HLCS: variants seen among roughly 807,000 people sequenced by gnomAD.
HLCS encodes holocarboxylase synthetase.
A neutral mutation model predicts 75.0 loss-of-function variants in HLCS; 53 were observed. That is an observed-to-expected ratio of 0.71 (90% CI 0.57 to 0.89). The LOEUF is 0.89. Ranked by LOEUF, HLCS falls within the 40% of genes least tolerant of loss-of-function variation. The pLI is 0.00. For synonymous variants in HLCS, 431 were observed against 428.6 expected, an observed-to-expected ratio of 1.01 and a Z score of -0.07; for missense variants, 966 against 1,074.0, an observed-to-expected ratio of 0.90 and a Z score of 1.41.
At chr21:36,917,445 G>A (rs781756263) in intron 5 of HLCS, among the ~76,000 whole-genome samples, 7 of 152,090 alleles carry the variant, frequency 4.6e-5, no homozygotes, top group African/African-American at 1.4e-4. Flanking sequence ...CACTTTCCCC[G>A]AGTACAAACC....
At chr21:36,978,180 TATC>T (rs1273994409) in intron 1 of HLCS, among the ~76,000 whole-genome samples, 1 of 152,232 alleles carries the variant, frequency 6.6e-6, no homozygotes. Flanking sequence ...CTGCTGCTTT[TATC>T]ATCCCATTAA....
intron 6 of HLCS, among the ~76,000 whole-genome samples, chr21:36,880,367 T>C (rs2064157624): frequency 6.6e-6 from 1 of 152,130 alleles, no homozygotes; most frequent in Admixed American, 6.5e-5. Flanking sequence ...GAAGGCATTT[T>C]AATTGAGCTA....
At chr21:36,859,744 T>G (rs2063320736) in intron 6 of HLCS, among the ~76,000 whole-genome samples, 1 of 152,196 alleles carries the variant, frequency 6.6e-6, no homozygotes, top group Admixed American at 6.5e-5. Flanking sequence ...AAAATAAAAC[T>G]GTAGGATTTC....
chr21:36,775,919 C>A (rs2060344386), intron 6 of HLCS, among the ~76,000 whole-genome samples: 1 of 152,178 alleles, frequency 6.6e-6, no homozygotes, highest in Non-Finnish European at 1.5e-5. Context: ...GGAATTCACA[C>A]CAATTTTTTG....
At chr21:36,934,753 T>A (rs2066802653) in intron 4 of HLCS, among the ~76,000 whole-genome samples, 1 of 152,162 alleles carries the variant, frequency 6.6e-6, no homozygotes. Context: ...ATTACAAAGG[T>A]GAAGACTATG....
At chr21:36,896,740 C>T (rs1297900170) in intron 6 of HLCS, 120 bp downstream of exon 6, 1 of 1,098,590 alleles carries the variant, frequency 9.1e-7, no homozygotes, top group Non-Finnish European at 1.4e-6. Context: ...TTCCACCTTG[C>T]TAATAGGTCT....
intron 1 of HLCS, chr21:36,974,368 C>T (rs1327266444): frequency 6.6e-6 from 1 of 152,292 alleles, no homozygotes; most frequent in East Asian, 1.9e-4. Flanking sequence ...CGGCAGGAGG[C>T]AAGGGTGTGT....
intron 9 of HLCS, 49 bp downstream of exon 9, chr21:36,759,678 A>G (rs374957099): frequency 5.2e-5 from 56 of 1,069,072 alleles, no homozygotes; most frequent in Non-Finnish European, 7.8e-5. Flanking sequence ...CTTTATTTTT[A>G]TTGTTTTATT....
intron 6 of HLCS, among the ~76,000 whole-genome samples, chr21:36,875,062 G>A (rs1014227770): frequency 1.3e-5 from 2 of 152,156 alleles, no homozygotes; most frequent in Non-Finnish European, 2.9e-5. Flanking sequence ...GCCCCCTCTA[G>A]ACTTTGGTCA....
intron 5 of HLCS, among the ~76,000 whole-genome samples, chr21:36,916,507 A>G (rs1326646263): frequency 6.9e-6 from 1 of 144,114 alleles, no homozygotes; most frequent in Non-Finnish European, 1.5e-5. Context: ...GCACACCATC[A>G]TGCCTAGCTA....
At chr21:36,961,870 C>T (rs1236285178) in intron 2 of HLCS, among the ~76,000 whole-genome samples, 166 bp downstream of exon 2, 1 of 151,526 alleles carries the variant, frequency 6.6e-6, no homozygotes, top group Non-Finnish European at 1.5e-5. Flanking sequence ...ATGAGAATCA[C>T]TTGAACCCAG....
chr21:36,906,910 A>AT (rs1164568100), intron 5 of HLCS, among the ~76,000 whole-genome samples: 9 of 151,898 alleles, frequency 5.9e-5, no homozygotes, highest in Non-Finnish European at 8.8e-5. Context: ...AGTGTGATTG[A>AT]TTTTTTTTAA....
chr21:36,843,284 A>G (rs1380458199), intron 6 of HLCS, among the ~76,000 whole-genome samples: 1 of 152,006 alleles, frequency 6.6e-6, no homozygotes, highest in Admixed American at 6.5e-5. Context: ...ACAAAAAATA[A>G]AAAATTAGCC....
At chr21:36,910,407 G>A (rs1024646594) in intron 5 of HLCS, among the ~76,000 whole-genome samples, 5 of 152,210 alleles carry the variant, frequency 3.3e-5, no homozygotes, top group Middle Eastern at 3.4e-3. Context: ...TTAGCCAGGC[G>A]TGGTGATGGA....
At chr21:36,956,206 TA>T (rs1376867474) in intron 2 of HLCS, among the ~76,000 whole-genome samples, 1 of 150,552 alleles carries the variant, frequency 6.6e-6, no homozygotes, top group African/African-American at 2.5e-5. Context: ...GGAGGAGGGG[TA>T]GGGGGAGTCA....
At chr21:36,781,673 A>G (rs1249419398) in intron 6 of HLCS, among the ~76,000 whole-genome samples, 1 of 152,136 alleles carries the variant, frequency 6.6e-6, no homozygotes, top group African/African-American at 2.4e-5. Flanking sequence ...AGATAGTTTT[A>G]CTTCTTTTTC....
At chr21:36,978,454 A>G (rs1399309247) in intron 1 of HLCS, among the ~76,000 whole-genome samples, 1 of 151,822 alleles carries the variant, frequency 6.6e-6, no homozygotes, top group Non-Finnish European at 1.5e-5. Context: ...AGATTGTGCC[A>G]CTGCACTCCA....
At chr21:36,939,366 A>T (rs1026446220) in intron 2 of HLCS, among the ~76,000 whole-genome samples, 2 of 152,194 alleles carry the variant, frequency 1.3e-5, no homozygotes, top group Non-Finnish European at 2.9e-5. Flanking sequence ...GTTACTTTCA[A>T]TGTAACCTGT....
At chr21:36,764,700 G>C (rs1180431829) in intron 8 of HLCS, among the ~76,000 whole-genome samples, 1 of 152,172 alleles carries the variant, frequency 6.6e-6, no homozygotes, top group Non-Finnish European at 1.5e-5. Context: ...GTGAGACCCT[G>C]TCTCAATTAA....
Sources: gnomAD v4.1 joint callset for allele counts (sites outside exome capture counted in the v4.1 genomes callset) on GRCh38, gnomAD v4.1.1 for gene constraint, MANE v1.5 for transcripts, NCBI Gene and HGNC (gene_info 2026-07-23, HGNC 2026-07-21) for gene names.